Variants in DIAPH2 observed in about 807,000 individuals in gnomAD.
DIAPH2 encodes protein diaphanous homolog 2.
DIAPH2 carries 35 observed loss-of-function variants against 92.7 expected under a neutral mutation model. That is an observed-to-expected ratio of 0.38 (90% confidence interval 0.29 to 0.50). DIAPH2 has a LOEUF of 0.50. Ranked by LOEUF, DIAPH2 falls within the 20% of genes least tolerant of loss-of-function variation. DIAPH2 has a pLI of 0.94. For synonymous variants in DIAPH2, 301 were observed against 280.4 expected (o/e 1.07, Z -0.73); for missense variants, 701 against 819.5 (o/e 0.86, Z 1.77).
At chrX:97,191,336 AAG>A (rs1445269675) in intron 22 of DIAPH2, among the ~76,000 whole-genome samples, 4 of 108,824 alleles carry the variant, frequency 3.7e-5, no homozygotes, top group Non-Finnish European at 7.5e-5. Context: ...CAAAAAAAAA[AAG>A]AAAAAAAAAA....
chrX:97,374,924 C>G (rs148332798), intron 24 of DIAPH2, among the ~76,000 whole-genome samples: 43 of 111,919 alleles, frequency 3.8e-4, no homozygotes, highest in African/African-American at 1.4e-3. Flanking sequence ...TTGACTCACA[C>G]TGTATCTTCC....
At chrX:97,468,541 G>T (rs771941782) in intron 26 of DIAPH2, among the ~76,000 whole-genome samples, 6 of 109,264 alleles carry the variant, frequency 5.5e-5, no homozygotes, top group Non-Finnish European at 1.1e-4. Context: ...ATTGTCAAGC[G>T]TGTATTGTTT....
At chrX:96,754,275 G>A (rs1458362750) in intron 3 of DIAPH2, among the ~76,000 whole-genome samples, 3 of 111,787 alleles carry the variant, frequency 2.7e-5, no homozygotes, top group East Asian at 5.6e-4. Context: ...ACATGCCTCA[G>A]TTAGAATTAT....
intron 20 of DIAPH2, among the ~76,000 whole-genome samples, chrX:97,106,756 G>GC (rs918563888): frequency 3.6e-5 from 4 of 110,382 alleles, no homozygotes; most frequent in Non-Finnish European, 7.6e-5. Context: ...ACATGGTGAA[G>GC]CCCCGTCTCT....
intron 4 of DIAPH2, among the ~76,000 whole-genome samples, chrX:96,771,424 T>C (rs1420806835): frequency 1.8e-5 from 2 of 111,862 alleles, no homozygotes; most frequent in Non-Finnish European, 3.8e-5. Context: ...TGATGCTTGA[T>C]ATAAGACATT....
At chrX:97,359,457 T>C (rs1256055577) in intron 24 of DIAPH2, among the ~76,000 whole-genome samples, 1 of 110,096 alleles carries the variant, frequency 9.1e-6, no homozygotes, top group Non-Finnish European at 1.9e-5. Flanking sequence ...TGTGTGTGTG[T>C]GCGTGTGTGT....
At chrX:97,192,211 T>A (rs1462588899) in intron 22 of DIAPH2, among the ~76,000 whole-genome samples, 3 of 105,101 alleles carry the variant, frequency 2.9e-5, no homozygotes, top group African/African-American at 1.1e-4. Flanking sequence ...GGAGAATCAC[T>A]TGAACCCGTG....
intron 23 of DIAPH2, among the ~76,000 whole-genome samples, chrX:97,329,082 C>A (rs2147664509): frequency 8.9e-6 from 1 of 112,117 alleles, no homozygotes; most frequent in East Asian, 2.8e-4. Flanking sequence ...CATTTGCTTA[C>A]TCAGTATGGT....
chrX:97,121,138 CT>C (rs1344475951), intron 21 of DIAPH2, among the ~76,000 whole-genome samples: 12 of 112,625 alleles, frequency 1.1e-4, no homozygotes, highest in African/African-American at 3.9e-4. Context: ...AGTCTAACCT[CT>C]TCAGTCCACA....
chrX:97,390,517 A>ATTTTC (rs763323044), intron 25 of DIAPH2, among the ~76,000 whole-genome samples: 86 of 107,535 alleles, frequency 8.0e-4, no homozygotes, highest in South Asian at 1.6e-3. Flanking sequence ...TGCCTGGCCT[A>ATTTTC]TTTTCTTTTC....
At chrX:97,578,541 G>C (rs1294477743) in intron 26 of DIAPH2, among the ~76,000 whole-genome samples, 1 of 93,498 alleles carries the variant, frequency 1.1e-5, no homozygotes, top group African/African-American at 3.9e-5. Flanking sequence ...TGGTGTATAT[G>C]TGCCACATTT....
chrX:97,127,451 C>T (rs1409737423), intron 21 of DIAPH2, among the ~76,000 whole-genome samples: 1 of 112,167 alleles, frequency 8.9e-6, no homozygotes, highest in African/African-American at 3.2e-5. Context: ...GACAGATGAA[C>T]ATGCTTGATT....
chrX:97,111,513 G>A (rs934005268), intron 20 of DIAPH2, among the ~76,000 whole-genome samples: 7 of 111,850 alleles, frequency 6.3e-5, no homozygotes, highest in African/African-American at 1.3e-4. Flanking sequence ...CATTATTGCC[G>A]GCAGACTTCA....
intron 17 of DIAPH2, among the ~76,000 whole-genome samples, chrX:97,020,799 C>T (rs2066292542): frequency 9.0e-6 from 1 of 111,607 alleles, no homozygotes; most frequent in South Asian, 3.7e-4. Flanking sequence ...CAGAGTGGTA[C>T]ACAATTTAAA....
At chrX:97,562,707 A>T (rs1466969544) in intron 26 of DIAPH2, among the ~76,000 whole-genome samples, 1 of 111,763 alleles carries the variant, frequency 8.9e-6, no homozygotes, top group African/African-American at 3.3e-5. Flanking sequence ...TTTAATTGAC[A>T]AAAGTGAACT....
chrX:97,039,434 G>A (rs1359144766), intron 17 of DIAPH2, among the ~76,000 whole-genome samples: 2 of 111,402 alleles, frequency 1.8e-5, no homozygotes, highest in Non-Finnish European at 3.8e-5. Flanking sequence ...GTTAAAATTA[G>A]TGGGACCGTT....
intron 25 of DIAPH2, among the ~76,000 whole-genome samples, chrX:97,402,207 CGTGTGTGT>C (rs10695870): frequency 3.0e-5 from 3 of 99,854 alleles, no homozygotes; most frequent in Non-Finnish European, 6.1e-5. Flanking sequence ...TCATTTGCAT[CGTGTGTGT>C]GTGTGTGTGT....
chrX:97,044,079 T>A (rs1274630848), intron 17 of DIAPH2, among the ~76,000 whole-genome samples: 1 of 112,353 alleles, frequency 8.9e-6, no homozygotes, highest in Non-Finnish European at 1.9e-5. Context: ...AGTGTCATTT[T>A]ACTTGTGAAC....
At chrX:96,795,940 C>CT (rs953497048) in intron 4 of DIAPH2, among the ~76,000 whole-genome samples, 24 of 110,910 alleles carry the variant, frequency 2.2e-4, no homozygotes, top group Admixed American at 2.0e-3. Flanking sequence ...GCAGTGGGCC[C>CT]TTTGTGTCTG....
Sources: gnomAD v4.1 joint callset for allele counts (sites outside exome capture counted in the v4.1 genomes callset) on GRCh38, gnomAD v4.1.1 for gene constraint, MANE v1.5 for transcripts, NCBI Gene and HGNC (gene_info 2026-07-23, HGNC 2026-07-21) for gene names.